The following CNTN5 variants were observed in gnomAD, a reference collection of about 807,000 sequenced individuals.
CNTN5 encodes contactin-5.
In CNTN5, 77 loss-of-function variants were observed where a neutral mutation model predicts 129.1. The ratio of observed to expected loss-of-function variants is 0.60; its 90% CI spans 0.50 to 0.72. The LOEUF (loss-of-function observed/expected upper bound fraction) is 0.72, where lower values mean the gene tolerates loss of function less well. Among genes scored for constraint, CNTN5 ranks in the 30% least tolerant of loss-of-function variants. CNTN5 has a pLI of 0.00. For synonymous variants in CNTN5, 509 were observed against 465.6 expected (o/e 1.09, Z -1.20); for missense variants, 1,478 against 1,328.8 (o/e 1.11, Z -1.75).
intron 3 of CNTN5, among the ~76,000 whole-genome samples, chr11:99,766,077 C>T (rs535268940): frequency 7.9e-5 from 12 of 151,892 alleles, no homozygotes; most frequent in African/African-American, 1.7e-4. Flanking sequence ...CAAATAATAT[C>T]GTACTTCCTA....
chr11:100,094,714 G>A (rs1313014447), intron 13 of CNTN5, among the ~76,000 whole-genome samples: 1 of 149,696 alleles, frequency 6.7e-6, no homozygotes, highest in Non-Finnish European at 1.5e-5. Flanking sequence ...AGACCAGGAG[G>A]AAAAAAGGAA....
intron 3 of CNTN5, among the ~76,000 whole-genome samples, chr11:99,729,771 C>T (rs1429533250): frequency 1.3e-5 from 2 of 152,062 alleles, no homozygotes; most frequent in African/African-American, 4.8e-5. Flanking sequence ...GAGCTGGAAG[C>T]CATTATCCTC....
chr11:100,315,061 G>C (rs73565617), intron 21 of CNTN5, among the ~76,000 whole-genome samples: 1 of 152,044 alleles, frequency 6.6e-6, no homozygotes, highest in Non-Finnish European at 1.5e-5. Context: ...TTTGTATTTT[G>C]CTTCAATCCT....
intron 8 of CNTN5, among the ~76,000 whole-genome samples, chr11:99,975,237 A>G (rs1392554913): frequency 6.6e-6 from 1 of 152,234 alleles, no homozygotes; most frequent in Admixed American, 6.5e-5. Context: ...CACCCCTTGC[A>G]GCAGCATGCT....
At chr11:100,209,358 T>C (rs1027052699) in intron 15 of CNTN5, among the ~76,000 whole-genome samples, 3 of 152,332 alleles carry the variant, frequency 2.0e-5, no homozygotes, top group South Asian at 4.1e-4. Flanking sequence ...GGTAAACTGC[T>C]CTTACCAAAT....
intron 9 of CNTN5, among the ~76,000 whole-genome samples, chr11:100,021,499 A>G (rs1052640310): frequency 7.2e-5 from 11 of 152,188 alleles, no homozygotes; most frequent in Non-Finnish European, 1.5e-4. Flanking sequence ...TCTATTATAT[A>G]GTGTACATAC....
chr11:99,123,327 T>G (rs1858451666), intron 1 of CNTN5, among the ~76,000 whole-genome samples: 1 of 152,164 alleles, frequency 6.6e-6, no homozygotes, highest in East Asian at 1.9e-4. Context: ...ATATGCTTGA[T>G]GGCCACATGT....
intron 2 of CNTN5, among the ~76,000 whole-genome samples, chr11:99,376,498 A>G (rs996710925): frequency 6.6e-6 from 1 of 152,172 alleles, no homozygotes; most frequent in African/African-American, 2.4e-5. Context: ...ATACAGGCCA[A>G]TTATAAAATT....
At position 99,952,267 on chromosome 11, in the gene CNTN5, T is replaced by A. The variant is rs537001145; in HGVS notation, c.674-4539T>A. ...AAAAAGAAAATAATTGTAGTGAAAA[T>A]TTTTAAAACCCTATTTTTCTCCAGG... On this transcript the variant is annotated intron_variant, in intron 7 of 24. Transcript: ENST00000524871. Among the ~76,000 whole-genome samples, 8 of 152,228 alleles carry A rather than the reference T, an allele frequency of 5.3e-5. No individual in the cohort carries two copies. In the East Asian group the frequency reaches 9.6e-4, roughly 18 times the overall value.
At chr11:99,365,717 T>C (rs928020658) in intron 2 of CNTN5, among the ~76,000 whole-genome samples, 1 of 152,170 alleles carries the variant, frequency 6.6e-6, no homozygotes, top group Admixed American at 6.6e-5. Context: ...TTCATTTTGG[T>C]ATTTCCAATG....
At chr11:99,450,285 T>C (rs1214627720) in intron 2 of CNTN5, among the ~76,000 whole-genome samples, 2 of 149,850 alleles carry the variant, frequency 1.3e-5, no homozygotes, top group Non-Finnish European at 3.0e-5. Flanking sequence ...TATATATATA[T>C]GTTTGTGTAT....
chr11:99,249,009 AT>A (rs1426376003), intron 1 of CNTN5, among the ~76,000 whole-genome samples: 1 of 152,120 alleles, frequency 6.6e-6, no homozygotes, highest in East Asian at 1.9e-4. Context: ...GAAGAAAGTC[AT>A]TTGTAGCTTG....
At chr11:100,094,777 G>GAAGGA (rs1491471840) in intron 13 of CNTN5, among the ~76,000 whole-genome samples, 2 of 123,538 alleles carry the variant, frequency 1.6e-5, no homozygotes, top group African/African-American at 8.9e-5. Flanking sequence ...AGGAAGGAAG[G>GAAGGA]AAGGAAGGAA....
At chr11:99,806,527 G>C (rs1475428694) in intron 3 of CNTN5, among the ~76,000 whole-genome samples, 3 of 151,994 alleles carry the variant, frequency 2.0e-5, no homozygotes, top group Admixed American at 6.6e-5. Context: ...AGACAAAATA[G>C]GTCGTGTGCA....
chr11:99,982,441 A>C (rs6590474), intron 8 of CNTN5, among the ~76,000 whole-genome samples: 108,216 of 151,948 alleles, frequency 0.71, 39,009 homozygotes, highest in African/African-American at 0.82. Context: ...ACACCATGAT[A>C]AAGGCAAAGG....
At chr11:99,750,191 C>A (rs923926569) in intron 3 of CNTN5, among the ~76,000 whole-genome samples, 2 of 152,088 alleles carry the variant, frequency 1.3e-5, no homozygotes, top group Non-Finnish European at 2.9e-5. Flanking sequence ...ATGTGTAAAT[C>A]TACATTAAAT....
At chr11:100,278,273 A>C (rs1950559196) in intron 18 of CNTN5, among the ~76,000 whole-genome samples, 1 of 152,086 alleles carries the variant, frequency 6.6e-6, no homozygotes, top group Non-Finnish European at 1.5e-5. Context: ...CTTTTTGCTT[A>C]GGATAGTTTT....
At chr11:99,631,716 A>C (rs1951358745) in intron 3 of CNTN5, among the ~76,000 whole-genome samples, 1 of 93,938 alleles carries the variant, frequency 1.1e-5, no homozygotes, top group African/African-American at 3.1e-5. Context: ...ACACACACAA[A>C]GACACACACA....
At chr11:99,088,048 C>T (rs565339140) in intron 1 of CNTN5, among the ~76,000 whole-genome samples, 1 of 152,082 alleles carries the variant, frequency 6.6e-6, no homozygotes, top group Admixed American at 6.6e-5. Context: ...ATGTAAATAG[C>T]CTTTTTGGAG....
Sources: gnomAD v4.1 joint callset for allele counts (sites outside exome capture counted in the v4.1 genomes callset) on GRCh38, gnomAD v4.1.1 for gene constraint, MANE v1.5 for transcripts, NCBI Gene and HGNC (gene_info 2026-07-23, HGNC 2026-07-21) for gene names.